GALNT13: variants seen among roughly 807,000 people sequenced by gnomAD.
GALNT13 encodes the protein UDP-GalNAc:polypeptide N-acetylgalactosaminyltransferase 13.
A neutral mutation model predicts 64.2 loss-of-function variants in GALNT13; 28 were observed. The ratio of observed to expected loss-of-function variants is 0.44; its 90% CI spans 0.32 to 0.60. The LOEUF is 0.60. Among genes scored for constraint, GALNT13 ranks in the 20% least tolerant of loss-of-function variants. The probability of loss-of-function intolerance (pLI) is 0.05; values close to 1 mark genes in which losing one functional copy is unlikely to be tolerated. For missense variants in GALNT13, 577 were observed against 669.8 expected, an observed-to-expected ratio of 0.86 and a Z score of 1.53; for synonymous variants, 214 against 224.6, an observed-to-expected ratio of 0.95 and a Z score of 0.42.
chr2:153,972,378 G>T (rs1013360203), intron 3 of GALNT13, among the ~76,000 whole-genome samples: 4 of 151,902 alleles, frequency 2.6e-5, no homozygotes, highest in Non-Finnish European at 5.9e-5. Context: ...CTTTACTCCT[G>T]GTTCAAGATG....
chr2:153,757,014 C>G, the GALNT13 span, among the ~76,000 whole-genome samples: 2 of 152,048 alleles, frequency 1.3e-5, no homozygotes, highest in East Asian at 3.9e-4. Flanking sequence ...TAGCTATTGA[C>G]AAATTATAAT....
At chr2:154,353,916 G>GAT (rs1696561994) in intron 9 of GALNT13, among the ~76,000 whole-genome samples, 1 of 152,110 alleles carries the variant, frequency 6.6e-6, no homozygotes, top group Non-Finnish European at 1.5e-5. Flanking sequence ...ATCTCCTTCA[G>GAT]ATATATATCA....
the GALNT13 span, among the ~76,000 whole-genome samples, chr2:153,751,298 A>C: frequency 6.6e-6 from 1 of 151,986 alleles, no homozygotes; most frequent in Admixed American, 6.6e-5. Context: ...GTTGGATGAT[A>C]TGTTCTGTAA....
At chr2:153,257,028 A>G in the GALNT13 span, among the ~76,000 whole-genome samples, 46 of 152,354 alleles carry the variant, frequency 3.0e-4, no homozygotes, top group East Asian at 7.2e-3. Flanking sequence ...AGTCTGGGCA[A>G]TGGCGGGCGC....
intron 9 of GALNT13, among the ~76,000 whole-genome samples, chr2:154,348,583 C>T (rs1696204257): frequency 6.6e-6 from 1 of 152,062 alleles, no homozygotes; most frequent in Admixed American, 6.6e-5. Context: ...CGAAGTCTGT[C>T]AGATTCATAA....
At chr2:153,820,934 AC>A in the GALNT13 span, among the ~76,000 whole-genome samples, 2 of 152,162 alleles carry the variant, frequency 1.3e-5, no homozygotes, top group South Asian at 2.1e-4. Flanking sequence ...AGATAAAAAA[AC>A]AAAAGCCACT....
intron 8 of GALNT13, among the ~76,000 whole-genome samples, chr2:154,260,266 C>G (rs1246772550): frequency 6.6e-6 from 1 of 152,042 alleles, no homozygotes; most frequent in Non-Finnish European, 1.5e-5. Context: ...ATGTATTTAT[C>G]TATGAAGTTT....
chr2:153,391,962 T>C, the GALNT13 span, among the ~76,000 whole-genome samples: 1 of 149,416 alleles, frequency 6.7e-6, no homozygotes, highest in Non-Finnish European at 1.5e-5. Flanking sequence ...CTATATTTTA[T>C]AATATATTTA....
Position 154,278,348 on chromosome 2 carries a change from G to A in GALNT13, c.975+19210G>A, listed in dbSNP as rs185383139. On this transcript the variant is annotated intron_variant, in intron 8 of 12. Transcript: ENST00000392825. Reference sequence around the variant, plus strand: ...CTGACCCTACAAGAGAAGACCTCAGGAACTGCAAGATTTCTTTTCATATTT... The same window carrying A: ...CTGACCCTACAAGAGAAGACCTCAGAAACTGCAAGATTTCTTTTCATATTT... Among the ~76,000 whole-genome samples, 8 of 152,210 alleles carry A rather than the reference G, an allele frequency of 5.3e-5. No individual in the cohort carries two copies. The East Asian group carries it at 1.5e-3, about 29-fold the overall frequency.
the GALNT13 span, among the ~76,000 whole-genome samples, chr2:153,433,770 C>A: frequency 2.0e-5 from 3 of 152,046 alleles, no homozygotes; most frequent in Non-Finnish European, 4.4e-5. Flanking sequence ...TAAATCCGAA[C>A]ATATATTTGA....
the GALNT13 span, chr2:153,449,922 T>A: frequency 2.0e-5 from 3 of 152,182 alleles, no homozygotes; most frequent in African/African-American, 7.2e-5. Context: ...GCCATACCTC[T>A]TAATAACATC....
chr2:153,548,108 G>A, the GALNT13 span, among the ~76,000 whole-genome samples: 2 of 152,158 alleles, frequency 1.3e-5, no homozygotes, highest in Non-Finnish European at 2.9e-5. Flanking sequence ...GTAACAGCTC[G>A]ATGAATTAAG....
At chr2:153,834,674 TA>T in the GALNT13 span, among the ~76,000 whole-genome samples, 1 of 152,132 alleles carries the variant, frequency 6.6e-6, no homozygotes, top group Non-Finnish European at 1.5e-5. Context: ...TCTGAAAGTT[TA>T]AAATGACTAT....
chr2:153,688,895 G>T, the GALNT13 span, among the ~76,000 whole-genome samples: 2 of 151,524 alleles, frequency 1.3e-5, no homozygotes, highest in Non-Finnish European at 2.9e-5. Context: ...TATTATTGTT[G>T]TTACCTTTCT....
the GALNT13 span, among the ~76,000 whole-genome samples, chr2:153,403,835 C>T: frequency 6.6e-6 from 1 of 152,158 alleles, no homozygotes; most frequent in African/African-American, 2.4e-5. Context: ...GTCTGGCACT[C>T]CCTAGTGAGA....
the GALNT13 span, among the ~76,000 whole-genome samples, chr2:153,333,777 C>T: frequency 9.9e-5 from 15 of 152,190 alleles, no homozygotes; most frequent in Admixed American, 1.3e-4. Flanking sequence ...ATATTTGTAC[C>T]GCAAAAATTA....
At chr2:153,144,547 A>G in the GALNT13 span, among the ~76,000 whole-genome samples, 15 of 152,058 alleles carry the variant, frequency 9.9e-5, no homozygotes, top group African/African-American at 3.4e-4. Flanking sequence ...GTTATCCATA[A>G]TAGAAGAGAA....
chr2:154,129,190 C>A (rs1574558229), intron 3 of GALNT13, among the ~76,000 whole-genome samples: 1 of 152,206 alleles, frequency 6.6e-6, no homozygotes, highest in Admixed American at 6.5e-5. Context: ...GTTTTTGTAT[C>A]CCCGCCATCC....
At chr2:153,833,636 C>T in the GALNT13 span, among the ~76,000 whole-genome samples, 3 of 152,190 alleles carry the variant, frequency 2.0e-5, no homozygotes, top group East Asian at 3.9e-4. Flanking sequence ...GATGTACATA[C>T]GGTTCAGTAC....
Sources: gnomAD v4.1 joint callset for allele counts (sites outside exome capture counted in the v4.1 genomes callset) on GRCh38, gnomAD v4.1.1 for gene constraint, MANE v1.5 for transcripts, NCBI Gene and HGNC (gene_info 2026-07-23, HGNC 2026-07-21) for gene names.